Variants in TOGARAM2 observed in about 807,000 individuals in gnomAD.
The protein encoded by TOGARAM2 is TOG array regulator of axonemal microtubules protein 2.
TOGARAM2 carries 85 observed loss-of-function variants against 93.3 expected under a neutral mutation model. The ratio of observed to expected loss-of-function variants is 0.91; its 90% confidence interval spans 0.76 to 1.09. The LOEUF (loss-of-function observed/expected upper bound fraction) is 1.09. Ranked by LOEUF, TOGARAM2 falls within the 50% of genes least tolerant of loss-of-function variation. TOGARAM2 has a pLI of 0.00. For synonymous variants in TOGARAM2, 593 were observed against 552.8 expected (o/e 1.07, Z -1.02); for missense variants, 1,277 against 1,334.5 (o/e 0.96, Z 0.67).
rs1265648399 is a variant in TOGARAM2, at chr2:28,984,366, T to C, written c.-111+2828T>C. The stretch of plus-strand genomic sequence containing the variant: ...AGAAAGTCGGCTTTCTCATGGGCCA[T>C]TGGGAAGGGACAGGGCCGGGGTCTG... On this transcript the variant is annotated intron_variant, in intron 1 of 19. Coordinates refer to ENST00000379558, the MANE Select transcript of TOGARAM2 (RefSeq NM_199280.4). Among the ~76,000 whole-genome samples, 6 of 152,110 alleles carry C rather than the reference T, an allele frequency of 3.9e-5. No homozygotes were observed. In the East Asian group the frequency reaches 5.8e-4, roughly 15 times the overall value.
chr2:28,998,352 G>T, intron 3 of TOGARAM2, 99 bp downstream of exon 3: 1 of 777,964 alleles, frequency 1.3e-6, no homozygotes, highest in Middle Eastern at 2.4e-4. Flanking sequence ...GCTACCAGCA[G>T]GTGTTATTTT....
intron 19 of TOGARAM2, chr2:29,046,919 G>C (rs769990146): frequency 6.5e-6 from 1 of 152,824 alleles, no homozygotes; most frequent in African/African-American, 2.4e-5. Context: ...GGGGATGCCT[G>C]CTTGGCTCTG....
intron 1 of TOGARAM2, among the ~76,000 whole-genome samples, chr2:28,969,358 C>T (rs112098327): frequency 6.6e-6 from 1 of 152,206 alleles, no homozygotes; most frequent in Admixed American, 6.5e-5. Context: ...GAATGTGGGG[C>T]AGCAGTCGTG....
At chr2:28,988,406 A>C (rs999153565) in intron 1 of TOGARAM2, among the ~76,000 whole-genome samples, 1 of 151,908 alleles carries the variant, frequency 6.6e-6, no homozygotes, top group African/African-American at 2.4e-5. Context: ...CTCCCTCTGT[A>C]GGACCCTTGG....
intron 9 of TOGARAM2, among the ~76,000 whole-genome samples, 195 bp downstream of exon 9, chr2:29,017,499 T>G (rs1337667158): frequency 6.6e-6 from 1 of 152,186 alleles, no homozygotes; most frequent in African/African-American, 2.4e-5. Context: ...CTCAAACTCT[T>G]GGGCTCAAGG....
upstream of TOGARAM2, among the ~76,000 whole-genome samples, chr2:28,976,832 T>A (rs1355451127): frequency 5.9e-5 from 9 of 152,222 alleles, no homozygotes; most frequent in Admixed American, 5.9e-4. Flanking sequence ...GGGAGGGGCC[T>A]GTTCTGTGTC....
chr2:28,974,503 C>T (rs1380117950), intron 1 of TOGARAM2, among the ~76,000 whole-genome samples: 1 of 152,064 alleles, frequency 6.6e-6, no homozygotes, highest in African/African-American at 2.4e-5. Context: ...GCCATTATTT[C>T]TTTGAATTCT....
chr2:29,013,962 G>A (rs1487648002), intron 7 of TOGARAM2, among the ~76,000 whole-genome samples: 5 of 152,040 alleles, frequency 3.3e-5, no homozygotes, highest in East Asian at 1.9e-4. Context: ...TGGCAACTCT[G>A]CCCTTTCCTG....
intron 14 of TOGARAM2, among the ~76,000 whole-genome samples, chr2:29,027,749 C>A (rs184277288): frequency 4.8e-4 from 73 of 152,222 alleles, no homozygotes; most frequent in African/African-American, 1.3e-3. Flanking sequence ...GTTCAGAGAA[C>A]CTTTTTTAAG....
chr2:29,045,978 C>A, intron 19 of TOGARAM2: 1 of 164,866 alleles, frequency 6.1e-6, no homozygotes, highest in Non-Finnish European at 1.3e-5. Context: ...CTAGTGGGTG[C>A]ATATGGCTTG....
At chr2:29,023,643 G>A (rs1325198928) in intron 12 of TOGARAM2, among the ~76,000 whole-genome samples, 2 of 152,196 alleles carry the variant, frequency 1.3e-5, no homozygotes, top group East Asian at 1.9e-4. Flanking sequence ...TGCTCCAGTG[G>A]GGGTGGGGTG....
rs1665420664 is a variant in TOGARAM2 at position 29,026,955 on chromosome 2, A to G, written c.1956A>G (p.Thr652=). The change falls in exon 14 of 20, where the codon ACA becomes ACG. Residue 652 remains threonine (T), a synonymous_variant. Transcript: ENST00000379558. ...TTCTCTCGGGCACCAGAGACAGCAC[A>G]GACATGTTGGTGCACAACCTGGTGA... ...EKLLSGTRDS[T]DMLVHNLVRL... 2.5e-6 allele frequency: 4 copies of G among 1,571,556 alleles called. No homozygotes were observed. In the African/African-American group the frequency reaches 5.4e-5, roughly 21 times the overall value.
intron 1 of TOGARAM2, among the ~76,000 whole-genome samples, chr2:28,966,886 G>A (rs1337112041): frequency 1.3e-5 from 2 of 152,172 alleles, no homozygotes; most frequent in Non-Finnish European, 2.9e-5. Context: ...CAGCTCATGA[G>A]TTTCATAGGA....
intron 1 of TOGARAM2, among the ~76,000 whole-genome samples, chr2:28,957,542 A>G (rs1671741262): frequency 6.6e-6 from 1 of 152,230 alleles, no homozygotes; most frequent in Non-Finnish European, 1.5e-5. Context: ...CATGATAGTA[A>G]TACAATGATG....
rs371033398 is a variant in TOGARAM2 at position 28,976,287 on chromosome 2, C to T, written c.-146-18438C>T. 1.9e-3 allele frequency among the ~76,000 whole-genome samples: 283 copies of T among 152,258 alleles called. 3 individuals are homozygous for T. Among genetic ancestry groups the T allele is most frequent in the African/African-American group, 6.1e-3 (254 of 41,536 alleles). On this transcript the variant is annotated intron_variant, in intron 1 of 6. Coordinates refer to the TOGARAM2 transcript ENST00000401723. Reference sequence around the variant, plus strand: ...TCAGGAGGCTGAGGCAGGAGAATGGCGTGAACCTGGAAGGCGGAGCTTGCA... The same window carrying T: ...TCAGGAGGCTGAGGCAGGAGAATGGTGTGAACCTGGAAGGCGGAGCTTGCA...
chr2:28,989,194 C>G (rs1222576635), intron 1 of TOGARAM2, among the ~76,000 whole-genome samples: 1 of 151,734 alleles, frequency 6.6e-6, no homozygotes, highest in Non-Finnish European at 1.5e-5. Context: ...GGATTAAAGA[C>G]TTGTGCTACC....
intron 14 of TOGARAM2, among the ~76,000 whole-genome samples, chr2:29,029,300 G>GACACACACACAC (rs1558453550): frequency 1.2e-5 from 1 of 86,092 alleles, no homozygotes; most frequent in South Asian, 4.6e-4. Flanking sequence ...CACACACACT[G>GACACACACACAC]GAATACTTAG....
intron 4 of TOGARAM2, among the ~76,000 whole-genome samples, chr2:29,001,857 T>A (rs1572668278): frequency 2.1e-5 from 1 of 47,896 alleles, no homozygotes; most frequent in South Asian, 4.2e-4. Context: ...AATGCTAGTC[T>A]TTTTTTTTTT....
At chr2:29,027,913 G>A (rs116821553) in intron 14 of TOGARAM2, among the ~76,000 whole-genome samples, 2,570 of 152,206 alleles carry the variant, frequency 0.017, 69 homozygotes, top group African/African-American at 0.058. Context: ...TGAGGGGTGG[G>A]GGTGAGGGTG....
Sources: gnomAD v4.1 joint callset for allele counts (sites outside exome capture counted in the v4.1 genomes callset) on GRCh38, gnomAD v4.1.1 for gene constraint, MANE v1.5 for transcripts, NCBI Gene and HGNC (gene_info 2026-07-23, HGNC 2026-07-21) for gene names.